The following PLEKHA6 variants were observed in gnomAD, a reference collection of about 807,000 sequenced individuals.
PLEKHA6 encodes pleckstrin homology domain-containing family A member 6.
In PLEKHA6, 60 loss-of-function variants were observed where a neutral mutation model predicts 116.7. The ratio of observed to expected loss-of-function variants is 0.51; its 90% confidence interval spans 0.42 to 0.64. The LOEUF (loss-of-function observed/expected upper bound fraction) is 0.64, where lower values mean the gene tolerates loss of function less well. Ranked by LOEUF, PLEKHA6 falls within the 30% of genes least tolerant of loss-of-function variation. PLEKHA6 has a pLI of 0.00. For synonymous variants in PLEKHA6, 489 were observed against 556.1 expected (o/e 0.88, Z 1.70); for missense variants, 1,338 against 1,422.7 (o/e 0.94, Z 0.96).
chr1:204,349,336 C>T (rs531310042), intron 1 of PLEKHA6, among the ~76,000 whole-genome samples: 5 of 152,152 alleles, frequency 3.3e-5, no homozygotes, highest in Middle Eastern at 3.4e-3. Context: ...GTCAGGAGTT[C>T]GAGACCAGCC....
chr1:204,360,795 G>A (rs1673542441), upstream of PLEKHA6, among the ~76,000 whole-genome samples: 1 of 152,110 alleles, frequency 6.6e-6, no homozygotes, highest in Non-Finnish European at 1.5e-5. Context: ...CAAGCTACGG[G>A]GTACCTGGGT....
intron 1 of PLEKHA6, among the ~76,000 whole-genome samples, chr1:204,349,666 C>T (rs1673210323): frequency 6.6e-6 from 1 of 152,152 alleles, no homozygotes; most frequent in Admixed American, 6.5e-5. Context: ...CGAGCCTTGG[C>T]TCCAGGACTT....
chr1:204,219,254 T>C lies in PLEKHA6; in HGVS notation c.*3534A>G, dbSNP rs1367472995. ...GTGTGTGTGTGTGTATATATATATA[T>C]ATATATAATGTGTGTGTATATCATA... On this transcript the variant is annotated 3_prime_UTR_variant, in exon 23 of 23. Transcript: ENST00000272203. The C allele has an allele frequency of 6.6e-6, 1 of 152,064 alleles. No homozygotes were observed. The highest frequency in any genetic ancestry group is 1.5e-5 in the Non-Finnish European group (1 of 67,858). 9.4% of individuals were successfully genotyped at this position (152,064 alleles called of 1,614,324 possible).
chr1:204,232,584 G>A (rs1357717609), intron 17 of PLEKHA6, among the ~76,000 whole-genome samples: 1 of 152,228 alleles, frequency 6.6e-6, no homozygotes, highest in African/African-American at 2.4e-5. Context: ...CTGCTAGCTT[G>A]TACAGAAAGG....
intron 1 of PLEKHA6, among the ~76,000 whole-genome samples, chr1:204,355,904 C>A (rs1280281919): frequency 6.6e-6 from 1 of 151,882 alleles, no homozygotes; most frequent in Non-Finnish European, 1.5e-5. Flanking sequence ...CACTCCCAGT[C>A]AAACAGATGG....
intron 1 of PLEKHA6, among the ~76,000 whole-genome samples, chr1:204,338,115 T>G (rs1173091397): frequency 1.3e-5 from 2 of 152,186 alleles, no homozygotes; most frequent in East Asian, 3.9e-4. Context: ...CCCGAAGACC[T>G]AGATTTGAAT....
chr1:204,326,983 CG>C (rs1315820764), intron 1 of PLEKHA6: 21 of 985,172 alleles, frequency 2.1e-5, no homozygotes, highest in Non-Finnish European at 2.3e-5. Context: ...GCGCTGGGTA[CG>C]GCAGCCTCTG....
At chr1:204,246,511 C>A (rs770543549) in intron 13 of PLEKHA6, among the ~76,000 whole-genome samples, 5 of 152,118 alleles carry the variant, frequency 3.3e-5, no homozygotes, top group Non-Finnish European at 7.3e-5. Context: ...TGGGTCTTCA[C>A]CCTACCTAAC....
rs556674980 is a variant in PLEKHA6, at chr1:204,370,611, C to T, written c.160+919G>A. 2.6e-5 allele frequency among the ~76,000 whole-genome samples: 4 copies of T among 152,318 alleles called. No individual in the cohort carries two copies. The East Asian group carries it at 5.8e-4, about 22-fold the overall frequency. On this transcript the variant is annotated intron_variant, in intron 2 of 4. Transcript: ENST00000564627. ...TCATTTCTGACCTGTTTGTGTCCCACCTTTCCCACTAGCCCTGAGGGCTAC... is the reference window on the plus strand; with the variant it reads ...TCATTTCTGACCTGTTTGTGTCCCATCTTTCCCACTAGCCCTGAGGGCTAC...
intron 1 of PLEKHA6, among the ~76,000 whole-genome samples, chr1:204,306,551 T>C (rs557110546): frequency 1.3e-5 from 2 of 152,356 alleles, no homozygotes; most frequent in African/African-American, 4.8e-5. Flanking sequence ...CCCTCATAGC[T>C]TTGATCCCTT....
intron 3 of PLEKHA6, among the ~76,000 whole-genome samples, chr1:204,367,465 A>C (rs1438864235): frequency 1.3e-5 from 2 of 152,020 alleles, no homozygotes; most frequent in Non-Finnish European, 2.9e-5. Flanking sequence ...CCTGCCTCTG[A>C]ACCTCTGCCT....
intron 1 of PLEKHA6, among the ~76,000 whole-genome samples, chr1:204,307,158 T>C (rs1373748454): frequency 6.6e-6 from 1 of 152,130 alleles, no homozygotes; most frequent in African/African-American, 2.4e-5. Context: ...CAGAAGTACC[T>C]GCACCACACA....
Position 204,228,805 on chromosome 1 carries a change from G to A in PLEKHA6, c.2808C>T (p.Asp936=). 1 of 1,613,614 alleles carries A rather than the reference G, an allele frequency of 6.2e-7. No individual in the cohort carries two copies. Among genetic ancestry groups the A allele is most frequent in the Non-Finnish European group, 8.5e-7 (1 of 1,179,544 alleles). ...TCAACTCCTCAGGGCTCAGGGGAGTGTCAGGCTCCAGGTCAATGTACCGTT... is the reference window on the plus strand; with the variant it reads ...TCAACTCCTCAGGGCTCAGGGGAGTATCAGGCTCCAGGTCAATGTACCGTT... ...IPERYIDLEP[D]TPLSPEELKE... The change falls in exon 20 of 23, where the codon GAC becomes GAT. Residue 936 remains aspartate, a synonymous_variant. Coordinates refer to ENST00000272203, the MANE Select transcript of PLEKHA6 (RefSeq NM_014935.5). The surrounding 1 kb of genome is among the most constrained non-coding windows in gnomAD (Gnocchi z 4.0).
intron 1 of PLEKHA6, among the ~76,000 whole-genome samples, chr1:204,300,261 G>A (rs1364888633): frequency 6.6e-6 from 1 of 152,026 alleles, no homozygotes; most frequent in East Asian, 1.9e-4. Flanking sequence ...GCTTACCCAG[G>A]GCTCATGATC....
intron 3 of PLEKHA6, among the ~76,000 whole-genome samples, chr1:204,270,183 A>C (rs1571997083): frequency 6.6e-6 from 1 of 151,598 alleles, no homozygotes; most frequent in African/African-American, 2.4e-5. Context: ...CCCTTTCAAT[A>C]CCTCCATCTG....
chr1:204,351,511 G>A (rs561416724), intron 1 of PLEKHA6, among the ~76,000 whole-genome samples: 6 of 152,352 alleles, frequency 3.9e-5, no homozygotes, highest in East Asian at 1.9e-4. Flanking sequence ...TGCAACATGC[G>A]TGTGTCAGCG....
Position 204,259,985 on chromosome 1 carries a change from C to T in PLEKHA6, c.525-245G>A, listed in dbSNP as rs567705183. ...CCTGCTGTGTTAACTCTGCCCCCCA[C>T]GTCTTCTCTGCAGGTCATTCTCCAC... On this transcript the variant is annotated intron_variant, in intron 7 of 22. Transcript: ENST00000272203. The surrounding 1 kb of genome is among the most constrained non-coding windows in gnomAD (Gnocchi z 4.6). Among the ~76,000 whole-genome samples, 4 of 152,284 alleles carry T rather than the reference C, an allele frequency of 2.6e-5. No homozygotes were observed. The East Asian group carries it at 5.8e-4, about 22-fold the overall frequency.
At chr1:204,372,804 TTC>T (rs1481083057) in intron 1 of PLEKHA6, among the ~76,000 whole-genome samples, 2 of 152,182 alleles carry the variant, frequency 1.3e-5, no homozygotes, top group Non-Finnish European at 2.9e-5. Flanking sequence ...CTGATTTGTT[TTC>T]TGTTACCATA....
Position 204,273,633 on chromosome 1 carries a change from C to T in PLEKHA6, c.95G>A (p.Ser32Asn). 1 of 1,613,268 alleles carries T rather than the reference C, an allele frequency of 6.2e-7. No individual in the cohort carries two copies. Residue 32 changes from serine (S) to asparagine (N), a missense_variant, in exon 3 of 23, where the codon AGC becomes AAC. Physicochemically the swap from Ser to Asn is conservative, Grantham distance 46. Transcript: ENST00000272203. ...CTTGAGGGCTGGACTTACCCGGACG[C>T]TGGGCCGCTCTGGAGGGACCTCGGA... ...MVSEVPPERPSVRATRTARKA... is the reference protein window; with the variant it reads ...MVSEVPPERPNVRATRTARKA...
Sources: gnomAD v4.1 joint callset for allele counts (sites outside exome capture counted in the v4.1 genomes callset) on GRCh38, gnomAD v4.1.1 for gene constraint, Gnocchi (gnomAD v3.1) non-coding constraint, MANE v1.5 for transcripts, NCBI Gene and HGNC (gene_info 2026-07-23, HGNC 2026-07-21) for gene names.